The following FABP7 variants were observed in gnomAD, a reference collection of about 807,000 sequenced individuals.
FABP7 encodes fatty acid binding protein 7.
FABP7 carries 13 observed loss-of-function variants against 14.2 expected under a neutral mutation model. The observed-to-expected ratio is 0.91, with a 90% confidence interval of 0.59 to 1.45. FABP7 has a LOEUF of 1.45. FABP7 is among the 40% of genes most tolerant of loss of function. FABP7 has a pLI of 0.00. For synonymous variants in FABP7, 49 were observed against 51.4 expected (o/e 0.95, Z 0.20); for missense variants, 149 against 157.6 (o/e 0.95, Z 0.29).
At chr6:122,777,407 A>C (rs893704834), upstream of FABP7, among the ~76,000 whole-genome samples, 5 of 152,062 alleles carry the variant, frequency 3.3e-5, no homozygotes, top group African/African-American at 1.2e-4. Context: ...GCCTCAAAAA[A>C]ACCCTTAAAA....
At chr6:122,773,154 A>T in the FABP7 span, among the ~76,000 whole-genome samples, 1 of 152,176 alleles carries the variant, frequency 6.6e-6, no homozygotes, top group Admixed American at 6.5e-5. Flanking sequence ...CAAAATTTGT[A>T]AGTAACTAGA....
intron 3 of FABP7, chr6:122,781,832 C>A: frequency 1.9e-6 from 1 of 526,300 alleles, no homozygotes; most frequent in Non-Finnish European, 2.4e-6. Flanking sequence ...ACCTCTGCTT[C>A]ATGGGCTCAA....
At chr6:122,772,455 T>C in the FABP7 span, among the ~76,000 whole-genome samples, 1 of 152,190 alleles carries the variant, frequency 6.6e-6, no homozygotes, top group Non-Finnish European at 1.5e-5. Flanking sequence ...ACCTAGTCTA[T>C]ATTGCTCAGG....
the FABP7 span, among the ~76,000 whole-genome samples, chr6:122,773,845 C>T: frequency 6.6e-6 from 1 of 151,920 alleles, no homozygotes; most frequent in African/African-American, 2.4e-5. Flanking sequence ...CCAGGATCTC[C>T]TAAAGCAACT....
the FABP7 span, among the ~76,000 whole-genome samples, chr6:122,771,761 C>T: frequency 2.0e-5 from 3 of 152,208 alleles, no homozygotes; most frequent in Non-Finnish European, 4.4e-5. Context: ...AGATACCTTT[C>T]TCTGGGGATC....
the FABP7 span, among the ~76,000 whole-genome samples, chr6:122,761,189 C>T: frequency 2.0e-5 from 3 of 152,162 alleles, no homozygotes; most frequent in East Asian, 5.8e-4. Flanking sequence ...TAATGTTTTC[C>T]TGCAAGGTGA....
the FABP7 span, among the ~76,000 whole-genome samples, chr6:122,774,399 GAGAA>G: frequency 1.8e-5 from 2 of 111,938 alleles, no homozygotes; most frequent in African/African-American, 3.0e-5. Flanking sequence ...CAGAGAGAGA[GAGAA>G]AGGAAAAGAA....
the FABP7 span, among the ~76,000 whole-genome samples, chr6:122,753,797 C>CCCCCCCACA: frequency 9.4e-6 from 1 of 105,912 alleles, no homozygotes; most frequent in African/African-American, 3.7e-5. Flanking sequence ...CCCCCCCCGC[C>CCCCCCCACA]CACAGAAGTT....
At chr6:122,777,878 T>TAAATAAATAAATAAATATAA (rs1365482048), upstream of FABP7, among the ~76,000 whole-genome samples, 3 of 42,234 alleles carry the variant, frequency 7.1e-5, no homozygotes, top group South Asian at 8.8e-4. Context: ...ATAAATATAA[T>TAAATAAATAAATAAATATAA]TTTTTTATGT....
At chr6:122,751,904 C>T in the FABP7 span, among the ~76,000 whole-genome samples, 2 of 152,138 alleles carry the variant, frequency 1.3e-5, no homozygotes, top group African/African-American at 2.4e-5. Context: ...TCTGCCCCAA[C>T]CCAGGTCATC....
the FABP7 span, among the ~76,000 whole-genome samples, chr6:122,774,021 G>A: frequency 6.6e-6 from 1 of 152,062 alleles, no homozygotes. Flanking sequence ...AGATGCGTTT[G>A]TATGATAAAA....
the FABP7 span, among the ~76,000 whole-genome samples, chr6:122,753,498 C>A: frequency 6.6e-6 from 1 of 152,088 alleles, no homozygotes; most frequent in Non-Finnish European, 1.5e-5. Context: ...AGTTCTCGCC[C>A]ATCTGTCACC....
intron 3 of FABP7, chr6:122,782,821 T>G: frequency 1.0e-6 from 1 of 968,608 alleles, no homozygotes; most frequent in Non-Finnish European, 1.2e-6. Flanking sequence ...GAGGGACAGT[T>G]TTCCTTTCAT....
At chr6:122,767,399 T>C in the FABP7 span, among the ~76,000 whole-genome samples, 3 of 152,100 alleles carry the variant, frequency 2.0e-5, no homozygotes, top group Non-Finnish European at 4.4e-5. Flanking sequence ...CAAACCTAAT[T>C]GATTAGTGGA....
the FABP7 span, among the ~76,000 whole-genome samples, chr6:122,758,578 G>A: frequency 2.6e-5 from 4 of 152,056 alleles, no homozygotes; most frequent in African/African-American, 7.2e-5. Flanking sequence ...AAAAAAAATC[G>A]CTAAGAAAGT....
At chr6:122,781,411 A>C in intron 3 of FABP7, 1 of 1,421,032 alleles carries the variant, frequency 7.0e-7, no homozygotes, top group Non-Finnish European at 9.2e-7. Flanking sequence ...TGATTGTAGA[A>C]AAAGAGAAAA....
At chr6:122,774,832 G>A (rs185291749), upstream of FABP7, among the ~76,000 whole-genome samples, 284 of 147,720 alleles carry the variant, frequency 1.9e-3, 2 homozygotes, top group African/African-American at 6.7e-3. Context: ...CTAAATCAAC[G>A]TACAAAAATC....
the FABP7 span, among the ~76,000 whole-genome samples, chr6:122,763,104 A>T: frequency 6.6e-6 from 1 of 152,204 alleles, no homozygotes; most frequent in African/African-American, 2.4e-5. Flanking sequence ...AAAAAGAACA[A>T]AGCTGGAGAT....
At chr6:122,763,523 G>A in the FABP7 span, among the ~76,000 whole-genome samples, 1 of 152,144 alleles carries the variant, frequency 6.6e-6, no homozygotes, top group African/African-American at 2.4e-5. Flanking sequence ...GGCAACAAAA[G>A]CCAAAATAGA....
Sources: gnomAD v4.1 joint callset for allele counts (sites outside exome capture counted in the v4.1 genomes callset) on GRCh38, gnomAD v4.1.1 for gene constraint, MANE v1.5 for transcripts, NCBI Gene and HGNC (gene_info 2026-07-23, HGNC 2026-07-21) for gene names.